Variants in PANK4 observed in about 807,000 individuals in gnomAD.
PANK4 encodes the protein 4'-phosphopantetheine phosphatase.
Under a neutral mutation model 87.9 loss-of-function variants are expected in PANK4, and 40 were observed. The observed-to-expected ratio is 0.46, with a 90% CI of 0.35 to 0.59. The LOEUF is 0.59. PANK4 is among the 20% of genes least tolerant of loss of function. The pLI is 0.00. For missense variants in PANK4, 926 were observed against 1,072.3 expected (o/e 0.86, Z 1.90); for synonymous variants, 524 against 467.4 (o/e 1.12, Z -1.56).
intron 12 of PANK4, among the ~76,000 whole-genome samples, chr1:2,513,750 T>C (rs1055593355): frequency 1.3e-5 from 2 of 152,198 alleles, no homozygotes; most frequent in South Asian, 4.1e-4. Flanking sequence ...GTTCACACCC[T>C]TCTTCTCTAG....
At chr1:2,516,618 C>T (rs1280046201) in intron 9 of PANK4, among the ~76,000 whole-genome samples, 6 of 152,182 alleles carry the variant, frequency 3.9e-5, no homozygotes, top group Non-Finnish European at 8.8e-5. Flanking sequence ...TGCTGGCAAC[C>T]CCTGGGGCTG....
chr1:2,509,066 G>T lies in PANK4; in HGVS notation c.2109-6C>A. 2 of 1,589,456 alleles carry T rather than the reference G, an allele frequency of 1.3e-6. No homozygotes were observed. Among genetic ancestry groups the T allele is most frequent in the Non-Finnish European group, 8.5e-7 (1 of 1,175,582 alleles). ...CCAGCCCCTTATCCAGGCGGCTTTGGGGAGGAAGAGGACGGTGAGACTGGG... is the reference window on the plus strand; with the variant it reads ...CCAGCCCCTTATCCAGGCGGCTTTGTGGAGGAAGAGGACGGTGAGACTGGG... On this transcript the variant is annotated splice_polypyrimidine_tract_variant and splice_region_variant and intron_variant, in intron 18 of 18. Transcript: ENST00000378466. This position sits in a 1 kb window ranked among gnomAD's most constrained non-coding sequence, Gnocchi z 4.9.
In PANK4 at chr1:2,510,735, T is replaced by C. The variant is rs1643646728; in HGVS notation, c.1881A>G (p.Ile627Met). The change falls in exon 16 of 19, where the codon ATA becomes ATG. Residue 627 changes from isoleucine (I) to methionine (M), a missense_variant. Coordinates refer to ENST00000378466, the MANE Select transcript of PANK4 (RefSeq NM_018216.4). The surrounding 1 kb of genome is among the most constrained non-coding windows in gnomAD (Gnocchi z 4.9). ...CALIFADNSG[I>M]DIILGVFPFV... ...AGGGGAAGACTCCCAAAATGATGTCTATTCCACTGTTATCTGCGAAAATTA... is the reference window on the plus strand; with the variant it reads ...AGGGGAAGACTCCCAAAATGATGTCCATTCCACTGTTATCTGCGAAAATTA... 2.5e-6 allele frequency: 4 copies of C among 1,612,498 alleles called. No homozygotes were observed. Among genetic ancestry groups the C allele is most frequent in the African/African-American group, 1.3e-5 (1 of 74,898 alleles).
chr1:2,521,638 G>A (rs746841031), intron 2 of PANK4, 80 bp downstream of exon 2: 14 of 1,102,734 alleles, frequency 1.3e-5, no homozygotes, highest in Non-Finnish European at 1.7e-5. Context: ...GCAGCAGAGG[G>A]ATGACTGCGA....
chr1:2,514,704 GGGGGACTC>G (rs1643735257), intron 10 of PANK4, among the ~76,000 whole-genome samples: 1 of 148,984 alleles, frequency 6.7e-6, no homozygotes, highest in African/African-American at 2.5e-5. Context: ...GGCCTGCTGT[GGGGGACTC>G]GGGCAGGGTG....
At chr1:2,516,442 C>A (rs1171472590) in intron 9 of PANK4, among the ~76,000 whole-genome samples, 3 of 152,202 alleles carry the variant, frequency 2.0e-5, no homozygotes, top group Non-Finnish European at 4.4e-5. Flanking sequence ...ACTGAGCCGA[C>A]GCACACATCA....
In PANK4 at chr1:2,519,329, G is replaced by A. The variant is rs1335168627; in HGVS notation, c.854-5C>T. Reference sequence around the variant, plus strand: ...CCATGTCTTCTTTGGAGAACTCTGAGGAAGGGAAGGAAAAGGCACTCATCT... The same window carrying A: ...CCATGTCTTCTTTGGAGAACTCTGAAGAAGGGAAGGAAAAGGCACTCATCT... On this transcript the variant is annotated splice_polypyrimidine_tract_variant and splice_region_variant and intron_variant, in intron 6 of 18. Transcript: ENST00000378466. This position sits in a 1 kb window ranked among gnomAD's most constrained non-coding sequence, Gnocchi z 8.3. 1.3e-6 allele frequency: 2 copies of A among 1,598,478 alleles called. No homozygotes were observed. Among genetic ancestry groups the A allele is most frequent in the East Asian group, 2.3e-5 (1 of 44,326 alleles).
rs145319851 is a variant in PANK4 at position 2,519,880 on chromosome 1, G to C, written c.774C>G (p.Tyr258Ter). Residue 258 changes from tyrosine to a stop codon, truncating the protein, a stop_gained, in exon 6 of 19, where the codon TAC becomes TAG. Transcript: ENST00000378466. LOFTEE classifies it high-confidence loss of function. The surrounding 1 kb of genome is among the most constrained non-coding windows in gnomAD (Gnocchi z 8.3). ...GCCCGAGAGTCTGGTGGGCGCCGCC[G>C]TAGACGTCCCGCACCAGCATGTCCA... is the stretch of plus-strand genomic sequence containing the variant. ...SNVDMLVRDV[Y>*]GGAHQTLGLS... 6.4e-7 allele frequency: 1 copy of C among 1,567,940 alleles called. No individual in the cohort carries two copies. Among genetic ancestry groups the C allele is most frequent in the East Asian group, 2.4e-5 (1 of 42,540 alleles).
At position 2,509,578 on chromosome 1, in the gene PANK4, C is replaced by T. The variant is rs919123527; in HGVS notation, c.2108+284G>A. 3.3e-5 allele frequency among the ~76,000 whole-genome samples: 5 copies of T among 152,192 alleles called. No individual in the cohort carries two copies. Among genetic ancestry groups the T allele is most frequent in the African/African-American group, 1.2e-4 (5 of 41,440 alleles). The stretch of plus-strand genomic sequence containing the variant: ...ACACCGGGCAGCTGCCCAGGTCGCC[C>T]TCGGTCTCAGCTGAGTGGCCACAGG... On this transcript the variant is annotated intron_variant, in intron 18 of 18. Coordinates refer to ENST00000378466, the MANE Select transcript of PANK4 (RefSeq NM_018216.4). This position sits in a 1 kb window ranked among gnomAD's most constrained non-coding sequence, Gnocchi z 4.9.
At position 2,520,681 on chromosome 1, in the gene PANK4, G is replaced by A. The variant is rs184580833; in HGVS notation, c.606+42C>T. Reference sequence around the variant, plus strand: ...ACACAGCGAGGGCTTAACAAACTATGGCTAAACCATCCACTCATTCATTCA... The same window carrying A: ...ACACAGCGAGGGCTTAACAAACTATAGCTAAACCATCCACTCATTCATTCA... On this transcript the variant is annotated intron_variant, in intron 4 of 18. Transcript: ENST00000378466. The surrounding 1 kb of genome is among the most constrained non-coding windows in gnomAD (Gnocchi z 6.2). 3 of 1,576,094 alleles carry A rather than the reference G, an allele frequency of 1.9e-6. No homozygotes were observed. The highest frequency in any genetic ancestry group is 3.4e-5 in the Admixed American group (2 of 58,758).
rs763512760 is a variant in PANK4, at chr1:2,515,817, A to G, written c.1219-100T>C. The G allele has an allele frequency of 6.1e-4, 720 of 1,173,050 alleles. 4 individuals carry two copies. The highest frequency in any genetic ancestry group is 3.3e-3 in the Middle Eastern group (17 of 5,114). 72.7% of individuals were successfully genotyped at this position (1,173,050 alleles called of 1,614,324 possible). On this transcript the variant is annotated intron_variant, in intron 9 of 18. Coordinates refer to ENST00000378466, the MANE Select transcript of PANK4 (RefSeq NM_018216.4). This position sits in a 1 kb window ranked among gnomAD's most constrained non-coding sequence, Gnocchi z 5.0. ...ACTCTCTCTCTAAGAAGGGAGATGT[A>G]CTGCCTTCTTCCGCCACGTCTCTGG... is the stretch of plus-strand genomic sequence containing the variant.
At position 2,521,315 on chromosome 1, in the gene PANK4, C is replaced by CCTGGAAAA. The variant is rs1643873277; in HGVS notation, c.208-8_208-1dup (p.Asp70PhefsTer74). 6.2e-7 allele frequency: 1 copy of CCTGGAAAA among 1,612,248 alleles called. No individual in the cohort carries two copies. The highest frequency in any genetic ancestry group is 1.3e-5 in the African/African-American group (1 of 74,904). ...GGCGGCTCATGTTCACGTTCTGTGT[C>CCTGGAAAA]CTGGAAAACAGAGTAGGGGAGGCCG... On this transcript the variant is annotated frameshift_variant and splice_region_variant. Transcript: ENST00000378466. LOFTEE classifies it high-confidence loss of function.
chr1:2,520,780 G>C lies in PANK4; in HGVS notation c.549C>G (p.His183Gln). The change falls in exon 4 of 19, where the codon CAC becomes CAG. Residue 183 changes from histidine to glutamine, a missense_variant. By Grantham distance (24) the His-to-Gln change is conservative. Transcript: ENST00000378466. The surrounding 1 kb of genome is among the most constrained non-coding windows in gnomAD (Gnocchi z 6.2). ...CAAGAAGATAGGGGAAAATGTGGGG[G>C]TGGTTGGTCTGGAACCGGAACTCAG... ...SDPEFRFQTNHPHIFPYLLVN... is the reference protein window; with the variant it reads ...SDPEFRFQTNQPHIFPYLLVN... 1.2e-6 allele frequency: 2 copies of C among 1,613,592 alleles called. No homozygotes were observed.
In PANK4 at chr1:2,518,200, G is replaced by A. The variant is rs141803751; in HGVS notation, c.1182C>T (p.Pro394=). The A allele has an allele frequency of 1.0e-4, 165 of 1,610,676 alleles. No homozygotes were observed. In the African/African-American group the frequency reaches 2.0e-3, roughly 20 times the overall value. Residue 394 remains proline (P), a synonymous_variant, in exon 9 of 19, where the codon CCC becomes CCT. Transcript: ENST00000378466. ...GCGCCCGCTGCGCCGGGCCGAGCTCGGGTGATGCACTCATCAGCCCGGAGC... is the reference window on the plus strand; with the variant it reads ...GCGCCCGCTGCGCCGGGCCGAGCTCAGGTGATGCACTCATCAGCCCGGAGC... The part of the protein sequence containing the change: ...AGSSGLMSAS[P]ELGPAQRARS...
At chr1:2,511,799 T>G (rs1643666934) in intron 13 of PANK4, 116 bp from the exon 14 acceptor site, 1 of 697,936 alleles carries the variant, frequency 1.4e-6, no homozygotes, top group African/African-American at 1.8e-5. Flanking sequence ...CTGCTCAATG[T>G]AAAGATCCCA....
rs1420988240 is a variant in PANK4, at chr1:2,519,218, G to A, written c.960C>T (p.Tyr320=). The A allele has an allele frequency of 1.2e-6, 2 of 1,612,820 alleles. No individual in the cohort carries two copies. The highest frequency in any genetic ancestry group is 1.7e-5 in the Admixed American group (1 of 60,016). The change falls in exon 7 of 19, where the codon TAC becomes TAT. Residue 320 remains tyrosine, a synonymous_variant. Transcript: ENST00000378466. This position sits in a 1 kb window ranked among gnomAD's most constrained non-coding sequence, Gnocchi z 8.3. ...HARLHSLDRV[Y]FGGFFIRGHP... ...GGCCCCGGATAAAGAAGCCTCCAAA[G>A]TACACGCGGTCCAGGCTGTGCAGCC...
rs78763061 is a variant in PANK4, at chr1:2,521,724, G to C, written c.201C>G (p.Ser67=). ...KVAKVRSFDH[S]GKDTEREHEP... ...GGCCACAGTGCAGGCTCACCTTTCC[G>C]GAGTGGTCGAAAGACCGCACCTTGG... The change falls in exon 2 of 19, where the codon TCC becomes TCG. Residue 67 remains serine (S), a synonymous_variant. Transcript: ENST00000378466. The C allele has an allele frequency of 1.2e-6, 2 of 1,613,558 alleles. No individual in the cohort carries two copies. Among genetic ancestry groups the C allele is most frequent in the African/African-American group, 2.7e-5 (2 of 75,062 alleles).
chr1:2,520,660 A>G lies in PANK4; in HGVS notation c.606+63T>C. 1 of 1,501,398 alleles carries G rather than the reference A, an allele frequency of 6.7e-7. No homozygotes were observed. Among genetic ancestry groups the G allele is most frequent in the Non-Finnish European group, 9.2e-7 (1 of 1,089,876 alleles). 93.0% of individuals were successfully genotyped at this position (1,501,398 alleles called of 1,614,324 possible). On this transcript the variant is annotated intron_variant, in intron 4 of 18. Transcript: ENST00000378466. This position sits in a 1 kb window ranked among gnomAD's most constrained non-coding sequence, Gnocchi z 6.2. Reference sequence around the variant, plus strand: ...GTGCCCAGCCCTGGCTCCTGCACACAGCGAGGGCTTAACAAACTATGGCTA... The same window carrying G: ...GTGCCCAGCCCTGGCTCCTGCACACGGCGAGGGCTTAACAAACTATGGCTA...
At chr1:2,525,341 C>CG (rs1643911239) in intron 1 of PANK4, among the ~76,000 whole-genome samples, 1 of 152,032 alleles carries the variant, frequency 6.6e-6, no homozygotes, top group Admixed American at 6.6e-5. Flanking sequence ...GCATCCTTTT[C>CG]GGGGGCTGGG....
Sources: gnomAD v4.1 joint callset for allele counts (sites outside exome capture counted in the v4.1 genomes callset) on GRCh38, gnomAD v4.1.1 for gene constraint, Gnocchi (gnomAD v3.1) non-coding constraint, MANE v1.5 for transcripts, NCBI Gene and HGNC (gene_info 2026-07-23, HGNC 2026-07-21) for gene names.